Variants in ADAM10 observed in about 807,000 individuals in gnomAD.
The protein encoded by ADAM10 is ADAM metallopeptidase domain 10, also known as disintegrin and metalloproteinase domain-containing protein 10.
Under a neutral mutation model 90.1 loss-of-function variants are expected in ADAM10, and 17 were observed. The ratio of observed to expected loss-of-function variants is 0.19; its 90% confidence interval spans 0.13 to 0.28. The LOEUF is 0.28. ADAM10 is among the 10% of genes least tolerant of loss of function. The probability of loss-of-function intolerance (pLI) is 1.00; values close to 1 mark genes in which losing one functional copy is unlikely to be tolerated. For synonymous variants in ADAM10, 310 were observed against 298.6 expected (o/e 1.04, Z -0.40); for missense variants, 610 against 914.3 (o/e 0.67, Z 4.29).
At position 58,597,661 on chromosome 15, in the gene ADAM10, GC is replaced by G. The variant is rs1194179017; in HGVS notation, c.2153-21del. Reference sequence around the variant, plus strand: ...AAGTGCCTGTGAGCCACAAATAAAAGCAAAGCAGATTTATTTATCATGAGCT... The same window carrying G: ...AAGTGCCTGTGAGCCACAAATAAAAGAAAGCAGATTTATTTATCATGAGCT... On this transcript the variant is annotated intron_variant, in intron 15 of 15. Transcript: ENST00000260408. 4 of 1,613,138 alleles carry G rather than the reference GC, an allele frequency of 2.5e-6. No individual in the cohort carries two copies. The highest frequency in any genetic ancestry group is 3.3e-4 in the Middle Eastern group (2 of 6,054).
At chr15:58,665,361 C>CCTA (rs1231345297) in intron 4 of ADAM10, among the ~76,000 whole-genome samples, 164 bp from the exon 5 acceptor site, 2 of 152,126 alleles carry the variant, frequency 1.3e-5, no homozygotes, top group South Asian at 2.1e-4. Context: ...AATGCTAAAA[C>CCTA]CTAGCAGGTT....
chr15:58,694,875 C>G (rs1440482595), intron 2 of ADAM10, among the ~76,000 whole-genome samples: 4 of 151,956 alleles, frequency 2.6e-5, no homozygotes, highest in African/African-American at 9.7e-5. Flanking sequence ...GGAAGCAAAT[C>G]AGTAGTTGCC....
intron 8 of ADAM10, among the ~76,000 whole-genome samples, chr15:58,640,254 C>G (rs1156971309): frequency 6.6e-6 from 1 of 152,144 alleles, no homozygotes. Flanking sequence ...GCCTACATCT[C>G]TTTCATGCAG....
At chr15:58,714,032 T>C (rs1484431582) in intron 2 of ADAM10, among the ~76,000 whole-genome samples, 1 of 151,952 alleles carries the variant, frequency 6.6e-6, no homozygotes, top group Admixed American at 6.6e-5. Flanking sequence ...CCTCGATCTC[T>C]TGACCTCGTG....
intron 1 of ADAM10, among the ~76,000 whole-genome samples, chr15:58,736,699 T>C (rs1484517424): frequency 6.6e-6 from 1 of 152,106 alleles, no homozygotes; most frequent in Admixed American, 6.5e-5. Context: ...ACTACTAGCA[T>C]ACCTGCAATC....
Position 58,591,817 on chromosome 15 carries a change from A to G in ADAM10, c.*5730T>C, listed in dbSNP as rs1158149381. ...GTCCTTTAAAAAATGTAACAATACCATTATCACACCTAAAAATAATTAAAA... is the reference window on the plus strand; with the variant it reads ...GTCCTTTAAAAAATGTAACAATACCGTTATCACACCTAAAAATAATTAAAA... On this transcript the variant is annotated 3_prime_UTR_variant, in exon 16 of 16. Coordinates refer to ENST00000260408, the MANE Select transcript of ADAM10 (RefSeq NM_001110.4). The G allele has an allele frequency of 6.6e-6, 1 of 152,212 alleles. No homozygotes were observed. Among genetic ancestry groups the G allele is most frequent in the African/African-American group, 2.4e-5 (1 of 41,452 alleles). The allele number at this position is 152,212 out of a possible 1,614,324, so 9.4% of individuals were successfully genotyped here.
intron 2 of ADAM10, among the ~76,000 whole-genome samples, chr15:58,690,413 A>G (rs1897745872): frequency 6.6e-6 from 1 of 152,216 alleles, no homozygotes; most frequent in Non-Finnish European, 1.5e-5. Flanking sequence ...CAAGAAAAAT[A>G]ATCCTCTTTT....
chr15:58,621,879 G>A (rs1282661579), intron 10 of ADAM10, among the ~76,000 whole-genome samples: 3 of 152,042 alleles, frequency 2.0e-5, no homozygotes, highest in Non-Finnish European at 4.4e-5. Flanking sequence ...TCTAGAAGCT[G>A]TAACTTGCAA....
intron 4 of ADAM10, among the ~76,000 whole-genome samples, chr15:58,669,233 A>C (rs1897142329): frequency 6.6e-6 from 1 of 152,172 alleles, no homozygotes; most frequent in African/African-American, 2.4e-5. Context: ...CAACTTCCCA[A>C]GTGTTAAGGT....
chr15:58,707,008 CAAAAA>C (rs796234312), intron 2 of ADAM10, among the ~76,000 whole-genome samples: 5 of 41,790 alleles, frequency 1.2e-4, no homozygotes, highest in African/African-American at 1.8e-4. Flanking sequence ...GACTCCATCT[CAAAAA>C]AAAAAAAAAA....
Position 58,706,351 on chromosome 15 carries a change from G to A in ADAM10, c.206+11226C>T, listed in dbSNP as rs572471361. Among the ~76,000 whole-genome samples the A allele has an allele frequency of 5.9e-5, 9 of 152,198 alleles. 1 individual carries two copies. In the South Asian group the frequency reaches 1.7e-3, roughly 28 times the overall value. On this transcript the variant is annotated intron_variant, in intron 2 of 15. Coordinates refer to ENST00000260408, the MANE Select transcript of ADAM10 (RefSeq NM_001110.4). ...AATGAAGCAGGCCTATGACAGGCCT[G>A]GGTTAGTGGTTACTAGGAGTAACTG...
At chr15:58,611,701 A>G (rs780496586) in intron 12 of ADAM10, 107 bp downstream of exon 12, 1 of 1,083,776 alleles carries the variant, frequency 9.2e-7, no homozygotes, top group Non-Finnish European at 1.3e-6. Flanking sequence ...TTACTTAAAC[A>G]GAGACCAAGA....
rs10603934 is a variant in ADAM10, at chr15:58,591,144, TGA to T, written c.*6401_*6402del. 41,863 of 149,770 alleles carry T rather than the reference TGA, an allele frequency of 0.28. 8,005 individuals carry two copies. Among genetic ancestry groups the T allele is most frequent in the African/African-American group, 0.54 (22,096 of 41,100 alleles). The allele number at this position is 149,770 out of a possible 1,614,324, so 9.3% of individuals were successfully genotyped here. A position where few individuals can be genotyped will look rare whatever the true frequency, so the allele number is the denominator to read the frequency against. On this transcript the variant is annotated 3_prime_UTR_variant, in exon 16 of 16. Coordinates refer to ENST00000260408, the MANE Select transcript of ADAM10 (RefSeq NM_001110.4). Reference sequence around the variant, plus strand: ...AGTAGTTAGCTAAGCCCTTCAACAGTGAGAGAGAGAGAGAGAGACAGAGCAAA... The same window carrying T: ...AGTAGTTAGCTAAGCCCTTCAACAGTGAGAGAGAGAGAGAGACAGAGCAAA...
At chr15:58,668,738 T>A (rs149302192) in intron 4 of ADAM10, among the ~76,000 whole-genome samples, 1 of 152,148 alleles carries the variant, frequency 6.6e-6, no homozygotes, top group Non-Finnish European at 1.5e-5. Context: ...AGGTTTTTAA[T>A]CTTCAGGGGA....
chr15:58,739,025 A>G (rs1383911149), intron 1 of ADAM10, among the ~76,000 whole-genome samples: 1 of 152,086 alleles, frequency 6.6e-6, no homozygotes, highest in African/African-American at 2.4e-5. Context: ...TTCCCATAAG[A>G]TATCCCAAAA....
intron 2 of ADAM10, among the ~76,000 whole-genome samples, chr15:58,685,376 G>C (rs1897561339): frequency 6.6e-6 from 1 of 151,054 alleles, no homozygotes; most frequent in Non-Finnish European, 1.5e-5. Flanking sequence ...CAGGAGAATG[G>C]CGTGAACCCG....
At chr15:58,600,405 A>T (rs147884903) in intron 14 of ADAM10, among the ~76,000 whole-genome samples, 2,091 of 152,254 alleles carry the variant, frequency 0.014, 42 homozygotes, top group African/African-American at 0.047. Context: ...TCTTTGAGAC[A>T]CCCTTTTCCT....
At chr15:58,715,526 T>C (rs1454436852) in intron 2 of ADAM10, among the ~76,000 whole-genome samples, 1 of 152,186 alleles carries the variant, frequency 6.6e-6, no homozygotes, top group Non-Finnish European at 1.5e-5. Context: ...TCTCCCTCCT[T>C]TGAATATCTA....
intron 5 of ADAM10, among the ~76,000 whole-genome samples, chr15:58,659,019 A>T (rs1213880961): frequency 6.6e-6 from 1 of 152,184 alleles, no homozygotes; most frequent in Non-Finnish European, 1.5e-5. Context: ...TCACACCTGT[A>T]ATCTCGGCAC....
Sources: allele counts gnomAD v4.1 joint callset (sites outside exome capture counted in the v4.1 genomes callset), GRCh38; gene constraint gnomAD v4.1.1; transcripts MANE v1.5; gene names NCBI Gene and HGNC (gene_info 2026-07-23, HGNC 2026-07-21).